YAF2: variants seen among roughly 807,000 people sequenced by gnomAD.
YAF2 encodes the protein YY1-associated factor 2.
Under a neutral mutation model 20.1 loss-of-function variants are expected in YAF2, and 7 were observed. The observed-to-expected ratio is 0.35, with a 90% confidence interval of 0.20 to 0.65. The LOEUF is 0.65. Among genes scored for constraint, YAF2 ranks in the 30% least tolerant of loss-of-function variants. The probability of loss-of-function intolerance (pLI) is 0.69; values close to 1 mark genes in which losing one functional copy is unlikely to be tolerated. For missense variants in YAF2, 151 were observed against 219.2 expected (o/e 0.69, Z 1.96); for synonymous variants, 74 against 76.0 (o/e 0.97, Z 0.14).
rs2065777207 is a variant in YAF2 at position 42,160,601 on chromosome 12, T to C, written c.531A>G (p.Gly177=). 3.1e-6 allele frequency: 5 copies of C among 1,612,472 alleles called. No homozygotes were observed. In the South Asian group the frequency reaches 3.3e-5, roughly 11 times the overall value. Residue 177 remains glycine, a synonymous_variant, in exon 4 of 4, where the codon GGA becomes GGG. Coordinates refer to ENST00000534854, the MANE Select transcript of YAF2 (RefSeq NM_005748.6). ...GAGAAAATAAACTTTAATGAGATTC[T>C]CCATTCAATGATGAGGCTTCTCCTC... ...SPRGEASSLN[G]ESH
At chr12:42,192,574 C>T (rs2066643030) in intron 2 of YAF2, among the ~76,000 whole-genome samples, 1 of 152,186 alleles carries the variant, frequency 6.6e-6, no homozygotes, top group Non-Finnish European at 1.5e-5. Context: ...TCTTGAAATA[C>T]TTTTAAGGAT....
intron 2 of YAF2, among the ~76,000 whole-genome samples, chr12:42,168,218 G>A (rs1224184761): frequency 9.2e-6 from 1 of 108,724 alleles, no homozygotes; most frequent in African/African-American, 3.5e-5. Context: ...CGCTTTTGTT[G>A]CCCGGGCTGG....
chr12:42,197,733 T>C (rs184035675), intron 2 of YAF2, among the ~76,000 whole-genome samples: 5 of 152,344 alleles, frequency 3.3e-5, no homozygotes, highest in African/African-American at 1.2e-4. Context: ...AACATTTATA[T>C]AATCAGACTC....
intron 2 of YAF2, chr12:42,235,252 T>C (rs2068111804): frequency 4.0e-6 from 4 of 997,030 alleles, no homozygotes; most frequent in Non-Finnish European, 3.6e-6. Context: ...TTGCCAACCT[T>C]ACTCTGGAAA....
chr12:42,205,963 C>T (rs1463842968), intron 2 of YAF2: 2 of 362,376 alleles, frequency 5.5e-6, no homozygotes, highest in African/African-American at 4.3e-5. Flanking sequence ...TTTAATATTG[C>T]TTCTCCACTC....
rs569851051 is a variant in YAF2, at chr12:42,186,468, G to A, written c.153-24703C>T. Reference sequence around the variant, plus strand: ...AGAGGGGTGGATCACCTGAGGTCAGGAGTTTGAGATCAGCGTGACCAACGT... The same window carrying A: ...AGAGGGGTGGATCACCTGAGGTCAGAAGTTTGAGATCAGCGTGACCAACGT... On this transcript the variant is annotated intron_variant, in intron 2 of 3. Coordinates refer to ENST00000534854, the MANE Select transcript of YAF2 (RefSeq NM_005748.6). Among the ~76,000 whole-genome samples, 6 of 152,264 alleles carry A rather than the reference G, an allele frequency of 3.9e-5. No homozygotes were observed. In the East Asian group the frequency reaches 9.7e-4, roughly 25 times the overall value.
At chr12:42,232,165 T>A (rs1391698478) in intron 2 of YAF2, 7 of 152,640 alleles carry the variant, frequency 4.6e-5, no homozygotes, top group Admixed American at 4.6e-4. Flanking sequence ...TAATTCAAAC[T>A]GACATTATTC....
Position 42,157,283 on chromosome 12 carries a change from T to C in YAF2, c.*3306A>G, listed in dbSNP as rs1424932350. 6.6e-6 allele frequency: 1 copy of C among 152,208 alleles called. No individual in the cohort carries two copies. The highest frequency in any genetic ancestry group is 1.5e-5 in the Non-Finnish European group (1 of 68,064). The allele number at this position is 152,208 out of a possible 1,614,324, so 9.4% of individuals were successfully genotyped here. A position where few individuals can be genotyped will look rare whatever the true frequency, so the allele number is the denominator to read the frequency against. ...GCATCCTCACTTCATAACAACCCAC[T>C]CTTGTGAGAATTCATCCATTCCTGC... is the stretch of plus-strand genomic sequence containing the variant. On this transcript the variant is annotated 3_prime_UTR_variant, in exon 4 of 4. Coordinates refer to ENST00000534854, the MANE Select transcript of YAF2 (RefSeq NM_005748.6).
At chr12:42,181,512 T>C (rs888221692) in intron 2 of YAF2, among the ~76,000 whole-genome samples, 12 of 152,218 alleles carry the variant, frequency 7.9e-5, no homozygotes, top group Non-Finnish European at 1.5e-5. Context: ...CTTACTGCAG[T>C]ATTCTCAAAG....
At chr12:42,222,230 A>C (rs995375816) in intron 2 of YAF2, among the ~76,000 whole-genome samples, 5 of 152,232 alleles carry the variant, frequency 3.3e-5, no homozygotes, top group Non-Finnish European at 1.5e-5. Flanking sequence ...CTTAAAGAAA[A>C]AAACACTAAG....
intron 2 of YAF2, among the ~76,000 whole-genome samples, chr12:42,197,960 G>C (rs1440853164): frequency 6.6e-6 from 1 of 152,032 alleles, no homozygotes; most frequent in Non-Finnish European, 1.5e-5. Context: ...TACCAAACTA[G>C]ATATGGTTCT....
At position 42,237,742 on chromosome 12, in the gene YAF2, G is replaced by T. The variant is rs746498074; in HGVS notation, c.27-18C>A. Reference sequence around the variant, plus strand: ...GCTTCGGCCTGCAGGACACAACCCGGACACGACGCGGCGCGGGGTCACCAG... The same window carrying T: ...GCTTCGGCCTGCAGGACACAACCCGTACACGACGCGGCGCGGGGTCACCAG... On this transcript the variant is annotated intron_variant, in intron 1 of 3. Transcript: ENST00000534854. 2.6e-6 allele frequency: 4 copies of T among 1,515,190 alleles called. No individual in the cohort carries two copies. The highest frequency in any genetic ancestry group is 3.5e-6 in the Non-Finnish European group (4 of 1,131,970). The allele number at this position is 1,515,190 out of a possible 1,614,324, so 93.9% of individuals were successfully genotyped here. A position where few individuals can be genotyped will look rare whatever the true frequency, so the allele number is the denominator to read the frequency against.
At chr12:42,185,190 A>G (rs1181095039) in intron 2 of YAF2, among the ~76,000 whole-genome samples, 1 of 152,152 alleles carries the variant, frequency 6.6e-6, no homozygotes, top group Non-Finnish European at 1.5e-5. Flanking sequence ...ACAAACAAAC[A>G]AACAAACAAA....
intron 2 of YAF2, among the ~76,000 whole-genome samples, chr12:42,186,355 AAAAT>A (rs911405036): frequency 3.8e-4 from 58 of 152,166 alleles, no homozygotes; most frequent in African/African-American, 6.5e-4. Context: ...ACTCCAACTC[AAAAT>A]AAATAAATAA....
At chr12:42,184,581 A>G (rs1253430170) in intron 2 of YAF2, among the ~76,000 whole-genome samples, 7 of 152,210 alleles carry the variant, frequency 4.6e-5, no homozygotes, top group Non-Finnish European at 1.0e-4. Context: ...AAGTGCCGGG[A>G]TTACAGGCAT....
chr12:42,193,264 G>A (rs1162127741), intron 2 of YAF2, among the ~76,000 whole-genome samples: 4 of 150,620 alleles, frequency 2.7e-5, no homozygotes, highest in African/African-American at 9.8e-5. Context: ...GCAGTGAACC[G>A]AGATTGCGCT....
At chr12:42,163,054 G>C (rs2065833817) in intron 2 of YAF2, among the ~76,000 whole-genome samples, 1 of 152,124 alleles carries the variant, frequency 6.6e-6, no homozygotes, top group African/African-American at 2.4e-5. Context: ...TGTTTAGCTT[G>C]CTTAGCCCTA....
intron 2 of YAF2, among the ~76,000 whole-genome samples, chr12:42,175,744 A>AAAAAAAAAAAAAAAAAAAAAAAAAAAAAT (rs2066170747): frequency 1.3e-5 from 1 of 75,774 alleles, no homozygotes; most frequent in Non-Finnish European, 2.6e-5. Flanking sequence ...CTGTCTCAAA[A>AAAAAAAAAAAAAAAAAAAAAAAAAAAAAT]AAAAAAAAAA....
chr12:42,191,569 T>C (rs766793266), intron 2 of YAF2, among the ~76,000 whole-genome samples: 15 of 152,232 alleles, frequency 9.9e-5, no homozygotes, highest in Non-Finnish European at 1.8e-4. Flanking sequence ...ATGTTTGGTC[T>C]TGTTTTCATG....
Sources: gnomAD v4.1 joint callset for allele counts (sites outside exome capture counted in the v4.1 genomes callset) on GRCh38, gnomAD v4.1.1 for gene constraint, MANE v1.5 for transcripts, NCBI Gene and HGNC (gene_info 2026-07-23, HGNC 2026-07-21) for gene names.